The following NIBAN1 variants were observed in gnomAD, a reference collection of about 807,000 sequenced individuals.
The protein encoded by NIBAN1 is niban apoptosis regulator 1.
In NIBAN1, 81 loss-of-function variants were observed where a neutral mutation model predicts 75.1. The observed-to-expected ratio is 1.08, with a 90% CI of 0.90 to 1.30. NIBAN1 has a LOEUF of 1.30. Ranked by LOEUF, NIBAN1 falls within the 50% of genes most tolerant of loss-of-function variation. The pLI is 0.00. For synonymous variants in NIBAN1, 436 were observed against 424.8 expected, an observed-to-expected ratio of 1.03 and a Z score of -0.32; for missense variants, 1,133 against 1,128.1, an observed-to-expected ratio of 1.00 and a Z score of -0.06.
chr1:184,931,600 C>A (rs1425931969), intron 1 of NIBAN1, among the ~76,000 whole-genome samples: 1 of 152,050 alleles, frequency 6.6e-6, no homozygotes, highest in African/African-American at 2.4e-5. Context: ...GAAGAATGAC[C>A]ACAATTCTGT....
At chr1:184,843,061 CA>C (rs985752687) in intron 5 of NIBAN1, among the ~76,000 whole-genome samples, 34 of 152,288 alleles carry the variant, frequency 2.2e-4, no homozygotes, top group Admixed American at 2.2e-3. Context: ...CGCATTTAGT[CA>C]AAGTGATGGT....
intron 12 of NIBAN1, among the ~76,000 whole-genome samples, chr1:184,801,297 A>G (rs1367381549): frequency 6.6e-6 from 1 of 152,138 alleles, no homozygotes; most frequent in African/African-American, 2.4e-5. Context: ...ACCAAGAAGA[A>G]AGGCAAAGGA....
intron 1 of NIBAN1, among the ~76,000 whole-genome samples, chr1:184,968,354 A>T (rs927956376): frequency 1.8e-4 from 27 of 152,226 alleles, no homozygotes; most frequent in African/African-American, 4.8e-5. Flanking sequence ...GTAATTATTG[A>T]TACTAGCAAC....
chr1:184,867,151 GTCTCTCTC>G (rs139222042), intron 5 of NIBAN1, among the ~76,000 whole-genome samples: 1 of 143,650 alleles, frequency 7.0e-6, no homozygotes, highest in Non-Finnish European at 1.5e-5. Flanking sequence ...CTCTCTCTCG[GTCTCTCTC>G]TCTCTCTCTC....
At chr1:184,898,183 T>C (rs1436671343) in intron 2 of NIBAN1, among the ~76,000 whole-genome samples, 1 of 152,206 alleles carries the variant, frequency 6.6e-6, no homozygotes, top group Non-Finnish European at 1.5e-5. Context: ...TCCCTCTGTG[T>C]GGCAGGGTCT....
At position 184,874,070 on chromosome 1, in the gene NIBAN1, G is replaced by A. The variant is rs184314187; in HGVS notation, c.601+10563C>T. Reference sequence around the variant, plus strand: ...CTATATTTTTTGAGAGAAACTTAAGGATGTTGATTAATCTTTGGCTTTGAT... The same window carrying A: ...CTATATTTTTTGAGAGAAACTTAAGAATGTTGATTAATCTTTGGCTTTGAT... On this transcript the variant is annotated intron_variant, in intron 5 of 13. Coordinates refer to ENST00000367511, the MANE Select transcript of NIBAN1 (RefSeq NM_052966.4). Among the ~76,000 whole-genome samples the A allele has an allele frequency of 5.1e-3, 768 of 151,868 alleles. 7 individuals are homozygous for A. Among genetic ancestry groups the A allele is most frequent in the Middle Eastern group, 0.017 (5 of 292 alleles).
In NIBAN1 at chr1:184,827,960, G is replaced by GT. The variant is rs1047727839; in HGVS notation, c.717+3886dup. 1.8e-3 allele frequency among the ~76,000 whole-genome samples: 244 copies of GT among 137,460 alleles called. 3 individuals carry two copies. The highest frequency in any genetic ancestry group is 3.5e-3 in the African/African-American group (128 of 36,798). 90.2% of individuals were successfully genotyped at this position (137,460 alleles called of 152,430 possible). A position where few individuals can be genotyped will look rare whatever the true frequency, so the allele number is the denominator to read the frequency against. On this transcript the variant is annotated intron_variant, in intron 6 of 13. Transcript: ENST00000367511. ...AAAAATGCGGGTAGTTTTGTTTTTT[G>GT]TTTTTTTTTTTTTTTTCCGTCTTGA...
At chr1:184,895,453 G>A (rs1328502776) in intron 2 of NIBAN1, among the ~76,000 whole-genome samples, 1 of 152,166 alleles carries the variant, frequency 6.6e-6, no homozygotes, top group Non-Finnish European at 1.5e-5. Context: ...ATGAGGGAAA[G>A]CAATCACTTA....
intron 5 of NIBAN1, among the ~76,000 whole-genome samples, chr1:184,862,348 C>A (rs555842448): frequency 2.0e-5 from 3 of 151,842 alleles, no homozygotes; most frequent in East Asian, 3.9e-4. Context: ...CTATGTTGCC[C>A]AGGCTGGAGT....
At chr1:184,908,069 A>C (rs1657148762) in intron 1 of NIBAN1, among the ~76,000 whole-genome samples, 1 of 152,220 alleles carries the variant, frequency 6.6e-6, no homozygotes, top group South Asian at 2.1e-4. Flanking sequence ...ATGCTTAAGA[A>C]CAAACAATAA....
chr1:184,902,360 C>T (rs1656976642), intron 1 of NIBAN1, among the ~76,000 whole-genome samples: 1 of 152,166 alleles, frequency 6.6e-6, no homozygotes, highest in African/African-American at 2.4e-5. Context: ...TTTCTGCTCA[C>T]ATGTTAAATG....
At chr1:184,812,080 A>G (rs1355304011) in intron 9 of NIBAN1, among the ~76,000 whole-genome samples, 1 of 152,098 alleles carries the variant, frequency 6.6e-6, no homozygotes, top group Non-Finnish European at 1.5e-5. Context: ...CGCTGAAATG[A>G]ATGGGTCTTG....
At chr1:184,893,418 G>A (rs60270614) in intron 3 of NIBAN1, among the ~76,000 whole-genome samples, 65 of 152,136 alleles carry the variant, frequency 4.3e-4, no homozygotes, top group African/African-American at 1.5e-3. Context: ...AAAAACTAAA[G>A]TCCTCCCAGG....
chr1:184,902,857 C>T (rs1490606656), intron 1 of NIBAN1, among the ~76,000 whole-genome samples: 3 of 152,074 alleles, frequency 2.0e-5, no homozygotes. Flanking sequence ...AATAAGATGC[C>T]CATATCACAG....
chr1:184,933,832 C>A (rs113663107), intron 1 of NIBAN1, among the ~76,000 whole-genome samples: 117 of 152,340 alleles, frequency 7.7e-4, no homozygotes, highest in African/African-American at 2.7e-3. Context: ...TGGTTTATAG[C>A]AGCTACTCAA....
Position 184,791,132 on chromosome 1 carries a change from GTCAA to G in NIBAN1, c.*3841_*3844del. ...TTTGCTTTATATAGTGACCGGGAAA[GTCAA>G]TCCACAGTGTCGATTTTTTTTCTTG... is the stretch of plus-strand genomic sequence containing the variant. On this transcript the variant is annotated 3_prime_UTR_variant, in exon 14 of 14. Coordinates refer to ENST00000367511, the MANE Select transcript of NIBAN1 (RefSeq NM_052966.4). The G allele has an allele frequency of 4.5e-6, 2 of 444,058 alleles. No individual in the cohort carries two copies. The highest frequency in any genetic ancestry group is 5.4e-5 in the Admixed American group (2 of 37,092). 27.5% of individuals were successfully genotyped at this position (444,058 alleles called of 1,614,324 possible).
chr1:184,841,403 G>T (rs1655283918), intron 5 of NIBAN1, among the ~76,000 whole-genome samples: 1 of 152,214 alleles, frequency 6.6e-6, no homozygotes, highest in African/African-American at 2.4e-5. Context: ...AATGGTCACA[G>T]ATGTATTCTG....
At chr1:184,952,680 T>A (rs1658389036) in intron 1 of NIBAN1, among the ~76,000 whole-genome samples, 1 of 152,224 alleles carries the variant, frequency 6.6e-6, no homozygotes, top group Non-Finnish European at 1.5e-5. Flanking sequence ...AGGCCATGGA[T>A]TGCACAAGCT....
intron 10 of NIBAN1, 184 bp downstream of exon 10, chr1:184,807,890 G>A: frequency 1.5e-6 from 1 of 650,006 alleles, no homozygotes; most frequent in South Asian, 1.7e-5. Context: ...TGTCTATGAT[G>A]TTCATCCACA....
Sources: allele counts gnomAD v4.1 joint callset (sites outside exome capture counted in the v4.1 genomes callset), GRCh38; gene constraint gnomAD v4.1.1; transcripts MANE v1.5; gene names NCBI Gene and HGNC (gene_info 2026-07-23, HGNC 2026-07-21).